Variants in CFH observed in about 807,000 individuals in gnomAD.
CFH encodes H factor 1 (complement).
A neutral mutation model predicts 147.3 loss-of-function variants in CFH; 53 were observed. The ratio of observed to expected loss-of-function variants is 0.36; its 90% CI spans 0.29 to 0.45. The LOEUF (loss-of-function observed/expected upper bound fraction) is 0.45. Ranked by LOEUF, CFH falls within the 20% of genes least tolerant of loss-of-function variation. The pLI is 1.00. For synonymous variants in CFH, 536 were observed against 489.4 expected (o/e 1.10, Z -1.26); for missense variants, 1,380 against 1,498.0 (o/e 0.92, Z 1.30).
chr1:196,671,965 T>C (rs1306793293), intron 1 of CFH, among the ~76,000 whole-genome samples: 1 of 151,670 alleles, frequency 6.6e-6, no homozygotes, highest in Non-Finnish European at 1.5e-5. Flanking sequence ...TTAAATATCA[T>C]CCAGAGTGAC....
At position 196,722,740 on chromosome 1, in the gene CFH, C is replaced by T. The variant is rs141142125; in HGVS notation, c.1697-2381C>T. ...TCTTAAGTTTTCTCATTTTTTAGAA[C>T]GTCATTTTTCTCAAAACCTTTGCTC... On this transcript the variant is annotated intron_variant, in intron 11 of 21. Transcript: ENST00000367429. Among the ~76,000 whole-genome samples the T allele has an allele frequency of 5.1e-3, 779 of 152,130 alleles. 8 individuals carry two copies. The highest frequency in any genetic ancestry group is 0.018 in the African/African-American group (748 of 41,526).
At chr1:196,739,077 T>A (rs1414121636) in intron 17 of CFH, among the ~76,000 whole-genome samples, 1 of 152,222 alleles carries the variant, frequency 6.6e-6, no homozygotes, top group African/African-American at 2.4e-5. Flanking sequence ...TTGGCCCCTT[T>A]TAGCCACAGC....
At chr1:196,747,060 G>C (rs9427909) in intron 21 of CFH, 51 bp from the exon 22 acceptor site, 3 of 1,609,436 alleles carry the variant, frequency 1.9e-6, no homozygotes, top group Non-Finnish European at 2.5e-6. Context: ...GAAAGTCTAT[G>C]AAGATTTGCA....
At chr1:196,730,547 GT>G (rs140405952) in intron 15 of CFH, among the ~76,000 whole-genome samples, 3 of 151,620 alleles carry the variant, frequency 2.0e-5, no homozygotes, top group Admixed American at 6.6e-5. Context: ...AAGAATATGT[GT>G]TTTTTTGTTA....
At chr1:196,724,953 T>C (rs919610316) in intron 11 of CFH, among the ~76,000 whole-genome samples, 168 bp from the exon 12 acceptor site, 1 of 152,204 alleles carries the variant, frequency 6.6e-6, no homozygotes. Context: ...CATTTCAATT[T>C]AGACAGCATA....
chr1:196,689,316 T>C, intron 7 of CFH, 104 bp from the exon 8 acceptor site: 1 of 1,095,042 alleles, frequency 9.1e-7, no homozygotes, highest in South Asian at 1.5e-5. Context: ...AATGTGTAAT[T>C]ATACTAAGAA....
At chr1:196,738,526 T>C (rs1652668586) in intron 17 of CFH, among the ~76,000 whole-genome samples, 1 of 152,208 alleles carries the variant, frequency 6.6e-6, no homozygotes, top group Non-Finnish European at 1.5e-5. Context: ...ACAAAGTGGC[T>C]ATATGCTTGA....
intron 15 of CFH, among the ~76,000 whole-genome samples, chr1:196,736,252 A>T (rs543533839): frequency 6.6e-6 from 1 of 152,202 alleles, no homozygotes; most frequent in African/African-American, 2.4e-5. Context: ...AGTAAATAAA[A>T]GCTCTAGGGG....
In CFH at chr1:196,705,263, C is replaced by T. The variant is rs548082674; in HGVS notation, c.1337-8472C>T. On this transcript the variant is annotated intron_variant, in intron 9 of 21. Transcript: ENST00000367429. ...GAAAAAAATCACAAATATTGAAAAA[C>T]TCAATTATATATTTTAGGTTTGAAT... Among the ~76,000 whole-genome samples the T allele has an allele frequency of 2.0e-5, 3 of 151,522 alleles. No individual in the cohort carries two copies. The South Asian group carries it at 6.2e-4, about 32-fold the overall frequency.
At chr1:196,655,354 C>T (rs1358450344) in intron 1 of CFH, among the ~76,000 whole-genome samples, 3 of 152,148 alleles carry the variant, frequency 2.0e-5, no homozygotes, top group East Asian at 1.9e-4. Flanking sequence ...GAGCCTGAGA[C>T]GTCTGCCAAG....
At chr1:196,663,663 A>C (rs1666980161) in intron 1 of CFH, among the ~76,000 whole-genome samples, 1 of 152,140 alleles carries the variant, frequency 6.6e-6, no homozygotes. Context: ...CTCATATTAA[A>C]GTTACAACTT....
intron 15 of CFH, among the ~76,000 whole-genome samples, chr1:196,733,396 G>A (rs1053125106): frequency 1.3e-5 from 2 of 151,974 alleles, no homozygotes; most frequent in Non-Finnish European, 2.9e-5. Context: ...TTTGCTTTAC[G>A]ATCTATGGAG....
intron 1 of CFH, among the ~76,000 whole-genome samples, chr1:196,654,517 C>G (rs1264778322): frequency 6.6e-6 from 1 of 152,082 alleles, no homozygotes; most frequent in African/African-American, 2.4e-5. Context: ...TTTAAAATAA[C>G]AGTTTCTCAA....
chr1:196,666,699 C>G lies in CFH; in HGVS notation c.59-6279C>G, dbSNP rs142741160. 2.6e-3 allele frequency among the ~76,000 whole-genome samples: 389 copies of G among 149,638 alleles called. 1 individual carries two copies. Among genetic ancestry groups the G allele is most frequent in the East Asian group, 0.014 (69 of 5,064 alleles). The stretch of plus-strand genomic sequence containing the variant: ...TGGTGGCGGGCACCTGTAGTTCCAG[C>G]TACTCAGATGGCTGAGGCAGGAGAA... On this transcript the variant is annotated intron_variant, in intron 1 of 21. Transcript: ENST00000367429.
chr1:196,655,301 G>T (rs1053741709), intron 1 of CFH, among the ~76,000 whole-genome samples: 1 of 152,112 alleles, frequency 6.6e-6, no homozygotes, highest in Non-Finnish European at 1.5e-5. Flanking sequence ...TATAGTGAGT[G>T]CTATAAGAGA....
intron 1 of CFH, among the ~76,000 whole-genome samples, chr1:196,670,283 G>A (rs550367636): frequency 1.3e-5 from 2 of 152,240 alleles, no homozygotes; most frequent in South Asian, 4.2e-4. Context: ...GACTTGGGGG[G>A]ACTGTTGGGA....
At chr1:196,709,972 T>C (rs1229251460) in intron 9 of CFH, among the ~76,000 whole-genome samples, 12 of 152,018 alleles carry the variant, frequency 7.9e-5, no homozygotes, top group Admixed American at 7.2e-4. Flanking sequence ...ATCACGCTAC[T>C]GAAATCCAGA....
chr1:196,666,668 C>T (rs945016713), intron 1 of CFH, among the ~76,000 whole-genome samples: 5 of 151,340 alleles, frequency 3.3e-5, no homozygotes, highest in Non-Finnish European at 7.4e-5. Context: ...AAAAAATAGC[C>T]GGGCATGGTG....
Position 196,728,365 on chromosome 1 carries a change from G to A in CFH, c.2256G>A (p.Lys752=), listed in dbSNP as rs377521002. The A allele has an allele frequency of 2.1e-5, 33 of 1,543,482 alleles. No individual in the cohort carries two copies. Among genetic ancestry groups the A allele is most frequent in the Middle Eastern group, 1.8e-4 (1 of 5,702 alleles). The change falls in exon 15 of 22, where the codon AAG becomes AAA. Residue 752 remains lysine, a synonymous_variant. Coordinates refer to ENST00000367429, the MANE Select transcript of CFH (RefSeq NM_000186.4). ...PQCVAIDKLK[K]CKSSNLIILE... ...TTATAGCAATAGATAAACTTAAGAAGTGCAAATCATCAAATTTAATTATAC... is the reference window on the plus strand; with the variant it reads ...TTATAGCAATAGATAAACTTAAGAAATGCAAATCATCAAATTTAATTATAC...
Sources: allele counts gnomAD v4.1 joint callset (sites outside exome capture counted in the v4.1 genomes callset), GRCh38; gene constraint gnomAD v4.1.1; transcripts MANE v1.5; gene names NCBI Gene and HGNC (gene_info 2026-07-23, HGNC 2026-07-21).